The following CPLX1 variants were observed in gnomAD, a reference collection of about 807,000 sequenced individuals.
CPLX1 encodes complexin 1.
In CPLX1, 6 loss-of-function variants were observed where a neutral mutation model predicts 15.6. The observed-to-expected ratio is 0.39, with a 90% CI of 0.21 to 0.76. CPLX1 has a LOEUF of 0.76. Ranked by LOEUF, CPLX1 falls within the 30% of genes least tolerant of loss-of-function variation. The probability of loss-of-function intolerance (pLI) is 0.43; values close to 1 mark genes in which losing one functional copy is unlikely to be tolerated. For synonymous variants in CPLX1, 91 were observed against 75.2 expected (o/e 1.21, Z -1.08); for missense variants, 242 against 188.6 (o/e 1.28, Z -1.66).
chr4:787,484 C>G (rs1358694308), intron 3 of CPLX1: 1 of 789,282 alleles, frequency 1.3e-6, no homozygotes, highest in Non-Finnish European at 1.5e-6. Flanking sequence ...AGGATGGGGA[C>G]GAGGCCATCC....
chr4:825,175 C>A (rs1265516488), intron 1 of CPLX1, among the ~76,000 whole-genome samples: 3 of 151,696 alleles, frequency 2.0e-5, no homozygotes, highest in Non-Finnish European at 4.4e-5. Flanking sequence ...TCAGGAAACA[C>A]GTGGGGACGG....
At chr4:794,510 G>T (rs1316845392) in intron 2 of CPLX1, among the ~76,000 whole-genome samples, 2 of 152,212 alleles carry the variant, frequency 1.3e-5, no homozygotes, top group Non-Finnish European at 2.9e-5. Flanking sequence ...GGGAAACTGG[G>T]TCACAGTAGA....
intron 2 of CPLX1, chr4:805,013 C>T: frequency 1.3e-6 from 1 of 796,314 alleles, no homozygotes; most frequent in Non-Finnish European, 1.5e-6. Context: ...AACGTGCCCA[C>T]GCACGCTCGC....
rs552294749 is a variant in CPLX1 at position 807,635 on chromosome 4, C to T, written c.32-15027G>A. 3.3e-5 allele frequency among the ~76,000 whole-genome samples: 5 copies of T among 152,074 alleles called. No homozygotes were observed. The East Asian group carries it at 5.8e-4, about 18-fold the overall frequency. On this transcript the variant is annotated intron_variant, in intron 2 of 3. Transcript: ENST00000304062. Reference sequence around the variant, plus strand: ...GATTACGGGCAGGTGCCACCATGCCCGGCCAATTTTTTTTTATTATTATTT... The same window carrying T: ...GATTACGGGCAGGTGCCACCATGCCTGGCCAATTTTTTTTTATTATTATTT...
chr4:804,385 G>A (rs1746515596), intron 2 of CPLX1, among the ~76,000 whole-genome samples: 1 of 152,094 alleles, frequency 6.6e-6, no homozygotes. Flanking sequence ...ACACTGTCAA[G>A]AACAAGCTAG....
chr4:788,606 G>C (rs1252735862), intron 3 of CPLX1: 2 of 985,368 alleles, frequency 2.0e-6, no homozygotes, highest in African/African-American at 3.5e-5. Context: ...GACCCTGTGG[G>C]GCAGCAAGAG....
chr4:804,977 C>A, intron 2 of CPLX1: 2 of 978,352 alleles, frequency 2.0e-6, no homozygotes, highest in Non-Finnish European at 2.4e-6. Flanking sequence ...CGGCGGCCGG[C>A]TAGGGCGGGT....
intron 2 of CPLX1, among the ~76,000 whole-genome samples, chr4:810,251 A>G (rs543746354): frequency 2.1e-4 from 32 of 150,428 alleles, no homozygotes; most frequent in South Asian, 1.0e-3. Context: ...GGGTTTCACC[A>G]TGTTAGCCAG....
At chr4:791,588 C>T (rs1577470040) in intron 3 of CPLX1, among the ~76,000 whole-genome samples, 1 of 152,204 alleles carries the variant, frequency 6.6e-6, no homozygotes. Context: ...CAGGTGCCGC[C>T]GGCAGCAGGG....
chr4:797,577 C>T (rs1280709512), intron 2 of CPLX1, among the ~76,000 whole-genome samples: 2 of 151,876 alleles, frequency 1.3e-5, no homozygotes, highest in Admixed American at 6.5e-5. Context: ...CCACCCGCCT[C>T]GGCCTCCCAA....
At chr4:812,142 T>G (rs1184951244) in intron 2 of CPLX1, among the ~76,000 whole-genome samples, 1 of 152,214 alleles carries the variant, frequency 6.6e-6, no homozygotes, top group African/African-American at 2.4e-5. Flanking sequence ...TGGTGCGATC[T>G]CAGCTCACTG....
chr4:807,889 A>G (rs968978909), intron 2 of CPLX1, among the ~76,000 whole-genome samples: 4 of 152,116 alleles, frequency 2.6e-5, no homozygotes, highest in Non-Finnish European at 4.4e-5. Flanking sequence ...TTCTTGATAT[A>G]TTAATCTCAA....
intron 2 of CPLX1, among the ~76,000 whole-genome samples, chr4:823,789 GA>G (rs1335267316): frequency 6.6e-6 from 1 of 152,244 alleles, no homozygotes; most frequent in Non-Finnish European, 1.5e-5. Context: ...TGGCCACAAT[GA>G]CAGCCTTGGG....
intron 3 of CPLX1, chr4:787,937 T>C (rs1321025036): frequency 7.1e-6 from 7 of 985,108 alleles, no homozygotes; most frequent in Non-Finnish European, 8.4e-6. Flanking sequence ...TGGACTTCCA[T>C]CCCCTGAACA....
In CPLX1 at chr4:792,409, A is replaced by C. The variant is rs750758191; in HGVS notation, c.207+24T>G. 3.3e-6 allele frequency: 5 copies of C among 1,504,752 alleles called. No homozygotes were observed. In the South Asian group the frequency reaches 5.2e-5, roughly 16 times the overall value. The allele number at this position is 1,504,752 out of a possible 1,614,324, so 93.2% of individuals were successfully genotyped here. A position where few individuals can be genotyped will look rare whatever the true frequency, so the allele number is the denominator to read the frequency against. On this transcript the variant is annotated intron_variant, in intron 3 of 3. Transcript: ENST00000304062. ...GCTGGACTCAGGGCCGCCTTCCCGC[A>C]GGCGGGGCCGGCCCGGCGCGCACCT...
chr4:792,446 C>A lies in CPLX1; in HGVS notation c.194G>T (p.Gly65Val), dbSNP rs1225291629. 6.3e-7 allele frequency: 1 copy of A among 1,593,656 alleles called. No homozygotes were observed. The highest frequency in any genetic ancestry group is 8.5e-7 in the Non-Finnish European group (1 of 1,171,116). ...MEAEREAVRQ[G>V]IRDKYGIKKK... is the part of the protein sequence containing the mutation. ...CCCGGCGCGCACCTTGTCTCGGATG[C>A]CCTGGCGCACGGCCTCGCGCTCCGC... The change falls in exon 3 of 4, where the codon GGC becomes GTC. Residue 65 changes from glycine to valine, a missense_variant. Coordinates refer to ENST00000304062, the MANE Select transcript of CPLX1 (RefSeq NM_006651.4).
chr4:810,486 G>A (rs1394489354), intron 2 of CPLX1, among the ~76,000 whole-genome samples: 1 of 152,174 alleles, frequency 6.6e-6, no homozygotes, highest in Non-Finnish European at 1.5e-5. Flanking sequence ...AGCTCCCACT[G>A]GAGAGCATGA....
intron 3 of CPLX1, 136 bp from the exon 4 acceptor site, chr4:786,834 C>A (rs966284444): frequency 6.5e-6 from 9 of 1,393,742 alleles, no homozygotes; most frequent in Non-Finnish European, 8.4e-6. Context: ...ACACAAGGAC[C>A]CCAGAAGGAG....
intron 3 of CPLX1, among the ~76,000 whole-genome samples, chr4:791,889 GCCA>G (rs1272242586): frequency 6.6e-6 from 1 of 152,230 alleles, no homozygotes; most frequent in East Asian, 1.9e-4. Context: ...CCGTGCTGGA[GCCA>G]CCGAGGAAGC....
Sources: gnomAD v4.1 joint callset for allele counts (sites outside exome capture counted in the v4.1 genomes callset) on GRCh38, gnomAD v4.1.1 for gene constraint, MANE v1.5 for transcripts, NCBI Gene and HGNC (gene_info 2026-07-23, HGNC 2026-07-21) for gene names.